The following HDAC9 variants were observed in gnomAD, a reference collection of about 807,000 sequenced individuals.
HDAC9 encodes the protein histone deacetylase 9.
HDAC9 carries 41 observed loss-of-function variants against 139.4 expected under a neutral mutation model. That is an observed-to-expected ratio of 0.29 (90% CI 0.23 to 0.38). The LOEUF (loss-of-function observed/expected upper bound fraction) is 0.38, where lower values mean the gene tolerates loss of function less well. Ranked by LOEUF, HDAC9 falls within the 10% of genes least tolerant of loss-of-function variation. The probability of loss-of-function intolerance (pLI) is 1.00; values close to 1 mark genes in which losing one functional copy is unlikely to be tolerated. For synonymous variants in HDAC9, 517 were observed against 476.2 expected (o/e 1.09, Z -1.12); for missense variants, 1,147 against 1,297.0 (o/e 0.88, Z 1.78).
intron 1 of HDAC9, among the ~76,000 whole-genome samples, chr7:18,298,939 C>T (rs1315975582): frequency 6.6e-6 from 1 of 152,022 alleles, no homozygotes; most frequent in Non-Finnish European, 1.5e-5. Flanking sequence ...GGAAAGTGTT[C>T]TGTATTTATA....
intron 2 of HDAC9, among the ~76,000 whole-genome samples, chr7:18,277,223 A>G (rs987118457): frequency 1.3e-5 from 2 of 152,198 alleles, no homozygotes; most frequent in Admixed American, 1.3e-4. Flanking sequence ...TGCACTCCAG[A>G]AGAAGTAGGA....
chr7:18,317,187 ACT>A (rs1460133142), intron 1 of HDAC9, among the ~76,000 whole-genome samples: 1 of 151,016 alleles, frequency 6.6e-6, no homozygotes, highest in African/African-American at 2.4e-5. Flanking sequence ...ACAGAGTGAG[ACT>A]CTGTCTCAAA....
intron 12 of HDAC9, among the ~76,000 whole-genome samples, chr7:18,718,453 G>A (rs942654302): frequency 6.6e-6 from 1 of 151,462 alleles, no homozygotes; most frequent in Non-Finnish European, 1.5e-5. Context: ...GGCTGGTCTC[G>A]AACTCCTGAG....
chr7:18,555,090 A>G lies in HDAC9; in HGVS notation c.23-30191A>G, dbSNP rs752052521. Among the ~76,000 whole-genome samples, 142 of 152,208 alleles carry G rather than the reference A, an allele frequency of 9.3e-4. 2 individuals are homozygous for G. Among genetic ancestry groups the G allele is most frequent in the Admixed American group, 3.3e-4 (5 of 15,276 alleles). On this transcript the variant is annotated intron_variant, in intron 2 of 25. Coordinates refer to ENST00000686413, the MANE Select transcript of HDAC9 (RefSeq NM_178425.4). Reference sequence around the variant, plus strand: ...GTAGTTTCATTATTTTTTGACATCAAATTAAAATTCTGTTCAAAAGTCTCC... The same window carrying G: ...GTAGTTTCATTATTTTTTGACATCAGATTAAAATTCTGTTCAAAAGTCTCC...
At chr7:18,172,864 C>T (rs530508080) in intron 2 of HDAC9, among the ~76,000 whole-genome samples, 5 of 152,322 alleles carry the variant, frequency 3.3e-5, no homozygotes, top group African/African-American at 1.2e-4. Context: ...GAGTGCTTTA[C>T]TTCCAACTGT....
chr7:18,128,640 C>T (rs555079423), intron 1 of HDAC9, among the ~76,000 whole-genome samples: 6 of 152,192 alleles, frequency 3.9e-5, no homozygotes, highest in African/African-American at 1.4e-4. Context: ...TCCCCAAGGT[C>T]TCTGCAGTCA....
chr7:18,232,480 T>G (rs993512868), intron 2 of HDAC9, among the ~76,000 whole-genome samples: 7 of 152,186 alleles, frequency 4.6e-5, no homozygotes, highest in African/African-American at 1.7e-4. Flanking sequence ...GTCCCCCTAG[T>G]TGGACCTAAT....
chr7:18,874,769 T>G (rs530676044), intron 22 of HDAC9, among the ~76,000 whole-genome samples, 173 bp downstream of exon 22: 1 of 152,316 alleles, frequency 6.6e-6, no homozygotes, highest in East Asian at 1.9e-4. Flanking sequence ...GAAATTTGCC[T>G]TTAAGAAAAA....
upstream of HDAC9, among the ~76,000 whole-genome samples, chr7:18,491,645 G>T (rs973429132): frequency 2.0e-4 from 31 of 151,902 alleles, no homozygotes; most frequent in African/African-American, 6.5e-4. Flanking sequence ...AAGAAATTTC[G>T]ACATGTTTGG....
At chr7:18,778,729 G>C (rs1010387241) in intron 16 of HDAC9, among the ~76,000 whole-genome samples, 1 of 151,960 alleles carries the variant, frequency 6.6e-6, no homozygotes, top group Admixed American at 6.6e-5. Flanking sequence ...TGAGTCCCCC[G>C]GATCTTAAGT....
At chr7:18,105,947 C>T (rs1273560736) in intron 1 of HDAC9, among the ~76,000 whole-genome samples, 1 of 152,074 alleles carries the variant, frequency 6.6e-6, no homozygotes, top group African/African-American at 2.4e-5. Context: ...ACCTTGAAAA[C>T]ATTATGCTAA....
chr7:18,192,842 A>G (rs1416928509), intron 2 of HDAC9, among the ~76,000 whole-genome samples: 2 of 152,202 alleles, frequency 1.3e-5, no homozygotes, highest in Admixed American at 6.5e-5. Flanking sequence ...GCATGTTTCT[A>G]TATATATGTG....
intron 14 of HDAC9, among the ~76,000 whole-genome samples, chr7:18,759,668 C>G (rs1346151138): frequency 6.6e-6 from 1 of 152,104 alleles, no homozygotes; most frequent in Non-Finnish European, 1.5e-5. Flanking sequence ...CTTTTTTTGT[C>G]TTCCACGAAA....
upstream of HDAC9, chr7:18,290,138 C>T (rs954609902): frequency 8.8e-5 from 16 of 182,658 alleles, no homozygotes; most frequent in African/African-American, 3.1e-4. Context: ...TTTCCTTCTC[C>T]TCCTCCTCCT....
intron 1 of HDAC9, among the ~76,000 whole-genome samples, chr7:18,380,460 A>C (rs1340902404): frequency 6.6e-6 from 1 of 152,240 alleles, no homozygotes; most frequent in African/African-American, 2.4e-5. Context: ...AAGAGACCAA[A>C]GCATTACTTG....
chr7:18,986,833 A>G (rs1431154332), intron 25 of HDAC9, among the ~76,000 whole-genome samples: 6 of 152,192 alleles, frequency 3.9e-5, no homozygotes, highest in Non-Finnish European at 8.8e-5. Context: ...CTTTGAAGCA[A>G]CTGTGAATGG....
chr7:18,496,726 G>A, intron 2 of HDAC9: 1 of 161,856 alleles, frequency 6.2e-6, no homozygotes, highest in Non-Finnish European at 1.3e-5. Context: ...CCGCTAGCCT[G>A]ACGATTTTAT....
intron 1 of HDAC9, among the ~76,000 whole-genome samples, chr7:18,346,305 A>G (rs1237395792): frequency 6.6e-6 from 1 of 152,176 alleles, no homozygotes; most frequent in Non-Finnish European, 1.5e-5. Context: ...TTCAAAGTAC[A>G]GTTAACTTGA....
chr7:18,732,666 T>TATGTGTGC (rs1173254044), intron 13 of HDAC9, among the ~76,000 whole-genome samples: 2 of 139,928 alleles, frequency 1.4e-5, no homozygotes, highest in African/African-American at 5.6e-5. Context: ...CACACACACG[T>TATGTGTGC]GTATATGTGT....
Sources: allele counts gnomAD v4.1 joint callset (sites outside exome capture counted in the v4.1 genomes callset), GRCh38; gene constraint gnomAD v4.1.1; transcripts MANE v1.5; gene names NCBI Gene and HGNC (gene_info 2026-07-23, HGNC 2026-07-21).